Variants in CHIC1 observed in about 807,000 individuals in gnomAD.
The protein encoded by CHIC1 is cysteine rich hydrophobic domain 1, also known as cysteine-rich hydrophobic domain-containing protein 1.
Under a neutral mutation model 18.5 loss-of-function variants are expected in CHIC1, and 7 were observed. The ratio of observed to expected loss-of-function variants is 0.38; its 90% CI spans 0.22 to 0.71. The LOEUF (loss-of-function observed/expected upper bound fraction) is 0.71. CHIC1 is among the 30% of genes least tolerant of loss of function. The pLI is 0.49. For synonymous variants in CHIC1, 77 were observed against 73.5 expected, an observed-to-expected ratio of 1.05 and a Z score of -0.25; for missense variants, 159 against 176.9, an observed-to-expected ratio of 0.90 and a Z score of 0.57.
At chrX:73,599,292 C>T (rs984732587) in intron 3 of CHIC1, among the ~76,000 whole-genome samples, 1 of 104,154 alleles carries the variant, frequency 9.6e-6, no homozygotes, top group Non-Finnish European at 1.9e-5. Flanking sequence ...TACCTGTTCA[C>T]TCTGATGGTA....
chrX:73,584,450 C>T lies in CHIC1; in HGVS notation c.385C>T (p.Arg129Cys), dbSNP rs866427284. 3 of 1,182,825 alleles carry T rather than the reference C, an allele frequency of 2.5e-6. No individual in the cohort carries two copies. The highest frequency in any genetic ancestry group is 3.1e-5 in the East Asian group (1 of 32,335). Residue 129 changes from arginine to cysteine, a missense_variant, in exon 3 of 6, where the codon CGT (arginine) becomes TGT (cysteine). Coordinates refer to ENST00000373502, the MANE Select transcript of CHIC1 (RefSeq NM_001039840.4). ...APEEFKTSIG[R>C]VNACLKKALP... ...AGAAGAATTTAAAACCAGCATTGGC[C>T]GTGTGAATGCATGTTTGAAAAAGGC...
chrX:73,680,807 C>G (rs898286139), intron 5 of CHIC1, 148 bp from the exon 6 acceptor site: 2 of 324,179 alleles, frequency 6.2e-6, no homozygotes, highest in Admixed American at 1.2e-4. Flanking sequence ...AAGTTCTTTA[C>G]ATATTTTTTT....
intron 3 of CHIC1, among the ~76,000 whole-genome samples, chrX:73,659,837 T>C (rs2057970925): frequency 9.0e-6 from 1 of 111,426 alleles, no homozygotes; most frequent in African/African-American, 3.3e-5. Flanking sequence ...TAAAGTGTCT[T>C]GGGGTGGCAT....
At chrX:73,596,063 G>A (rs763770345) in intron 3 of CHIC1, among the ~76,000 whole-genome samples, 2 of 111,231 alleles carry the variant, frequency 1.8e-5, no homozygotes, top group Non-Finnish European at 3.8e-5. Context: ...TGTAGATTCC[G>A]GATATTAGCT....
At position 73,621,073 on chromosome X, in the gene CHIC1, C is replaced by G. The variant is rs879222808; in HGVS notation, c.507+36501C>G. 8.9e-5 allele frequency among the ~76,000 whole-genome samples: 10 copies of G among 111,853 alleles called. No individual in the cohort carries two copies. In the South Asian group the frequency reaches 1.1e-3, roughly 12 times the overall value. On this transcript the variant is annotated intron_variant, in intron 3 of 5. Transcript: ENST00000373502. ...ATTGGACTATATATCTGTTTTTGTA[C>G]CAGTACCATGCTGTTTTGGTTACTG...
intron 3 of CHIC1, among the ~76,000 whole-genome samples, chrX:73,651,405 A>G (rs1011990935): frequency 9.0e-6 from 1 of 111,001 alleles, no homozygotes; most frequent in Non-Finnish European, 1.9e-5. Context: ...AGAGAAATAA[A>G]CGATATTCAA....
intron 3 of CHIC1, among the ~76,000 whole-genome samples, chrX:73,643,214 G>T (rs1183927364): frequency 4.5e-5 from 5 of 111,515 alleles, no homozygotes; most frequent in African/African-American, 1.6e-4. Context: ...CTTCTGGCTT[G>T]TAGAGTTTCT....
intron 3 of CHIC1, among the ~76,000 whole-genome samples, chrX:73,676,720 C>T (rs940303207): frequency 2.7e-5 from 3 of 111,943 alleles, no homozygotes; most frequent in African/African-American, 9.8e-5. Context: ...TTGAAGCCTT[C>T]TTCTCTCAAC....
At position 73,682,465 on chromosome X, in the gene CHIC1, C is replaced by T. The variant is rs1948106893; in HGVS notation, c.*1460C>T. Reference sequence around the variant, plus strand: ...GGCTCAGTAATATTTTGTCATCTTACTCTTACTGCTTTTAGTAAACCTTTT... The same window carrying T: ...GGCTCAGTAATATTTTGTCATCTTATTCTTACTGCTTTTAGTAAACCTTTT... On this transcript the variant is annotated 3_prime_UTR_variant, in exon 6 of 6. Transcript: ENST00000373502. The T allele has an allele frequency of 9.0e-6, 1 of 111,336 alleles. No individual in the cohort carries two copies. Among genetic ancestry groups the T allele is most frequent in the Admixed American group, 9.6e-5 (1 of 10,427 alleles). 9.2% of individuals were successfully genotyped at this position (111,336 alleles called of 1,213,427 possible).
intron 3 of CHIC1, among the ~76,000 whole-genome samples, chrX:73,672,419 C>A (rs1277914794): frequency 2.7e-5 from 3 of 111,622 alleles, no homozygotes; most frequent in African/African-American, 9.8e-5. Context: ...TCCACATCCT[C>A]TCCAGCACCT....
At chrX:73,626,377 G>C (rs775654262) in intron 3 of CHIC1, among the ~76,000 whole-genome samples, 11 of 111,138 alleles carry the variant, frequency 9.9e-5, no homozygotes, top group Non-Finnish European at 2.1e-4. Flanking sequence ...TTATCACTTT[G>C]AATAAACTTA....
intron 3 of CHIC1, among the ~76,000 whole-genome samples, chrX:73,605,639 C>T (rs2057678704): frequency 9.2e-6 from 1 of 108,486 alleles, no homozygotes; most frequent in East Asian, 2.8e-4. Context: ...ACTGATTTTT[C>T]GTTTCCATGT....
At chrX:73,563,173 C>T (rs982706133), upstream of CHIC1, 1 of 700,710 alleles carries the variant, frequency 1.4e-6, no homozygotes, top group South Asian at 6.9e-5. Context: ...CTCCTCAAAT[C>T]CTGTCCCTAC....
chrX:73,655,294 G>T (rs745839765), intron 3 of CHIC1, among the ~76,000 whole-genome samples: 1 of 104,600 alleles, frequency 9.6e-6, no homozygotes, highest in African/African-American at 3.5e-5. Flanking sequence ...GTGTGTGTGT[G>T]TGTATGTGTG....
intron 3 of CHIC1, among the ~76,000 whole-genome samples, chrX:73,638,769 A>T (rs1002448698): frequency 1.3e-4 from 15 of 111,582 alleles, no homozygotes; most frequent in African/African-American, 3.6e-4. Flanking sequence ...TATAAGTGAG[A>T]ACATACAGTA....
rs2058104456 is a variant in CHIC1 at position 73,682,785 on chromosome X, G to A, written c.*1780G>A. The A allele has an allele frequency of 9.0e-6, 1 of 111,449 alleles. No homozygotes were observed. Among genetic ancestry groups the A allele is most frequent in the Admixed American group, 9.6e-5 (1 of 10,410 alleles). The allele number at this position is 111,449 out of a possible 1,213,427, so 9.2% of individuals were successfully genotyped here. On this transcript the variant is annotated 3_prime_UTR_variant, in exon 6 of 6. Transcript: ENST00000373502. Reference sequence around the variant, plus strand: ...GTTTGCCTGCTGCAAAATTGAAGGTGTATTTTTATAGACAAGGTAGAAGCC... The same window carrying A: ...GTTTGCCTGCTGCAAAATTGAAGGTATATTTTTATAGACAAGGTAGAAGCC...
chrX:73,597,620 C>CACAT, intron 3 of CHIC1, among the ~76,000 whole-genome samples: 1 of 104,123 alleles, frequency 9.6e-6, no homozygotes, highest in Non-Finnish European at 2.0e-5. Flanking sequence ...CACACACACA[C>CACAT]ATATATATAT....
At chrX:73,597,484 A>T (rs1018130519) in intron 3 of CHIC1, among the ~76,000 whole-genome samples, 1 of 109,203 alleles carries the variant, frequency 9.2e-6, no homozygotes, top group Non-Finnish European at 1.9e-5. Context: ...GTTGATTTTT[A>T]TGAAGTCCCA....
intron 3 of CHIC1, among the ~76,000 whole-genome samples, chrX:73,625,281 T>A (rs1386905689): frequency 9.0e-6 from 1 of 111,456 alleles, no homozygotes; most frequent in African/African-American, 3.3e-5. Flanking sequence ...TGTCCCCTGA[T>A]GGGCTCTGTC....
Sources: gnomAD v4.1 joint callset for allele counts (sites outside exome capture counted in the v4.1 genomes callset) on GRCh38, gnomAD v4.1.1 for gene constraint, MANE v1.5 for transcripts, NCBI Gene and HGNC (gene_info 2026-07-23, HGNC 2026-07-21) for gene names.